Variants in SLC24A3 observed in about 807,000 individuals in gnomAD.
The protein encoded by SLC24A3 is solute carrier family 24 member 3, also known as sodium/potassium/calcium exchanger 3.
Under a neutral mutation model 75.8 loss-of-function variants are expected in SLC24A3, and 28 were observed. The observed-to-expected ratio is 0.37, with a 90% CI of 0.27 to 0.51. The LOEUF (loss-of-function observed/expected upper bound fraction) is 0.51, where lower values mean the gene tolerates loss of function less well. Among genes scored for constraint, SLC24A3 ranks in the 20% least tolerant of loss-of-function variants. The probability of loss-of-function intolerance (pLI) is 0.94; values close to 1 mark genes in which losing one functional copy is unlikely to be tolerated. For synonymous variants in SLC24A3, 372 were observed against 334.1 expected (o/e 1.11, Z -1.24); for missense variants, 663 against 847.8 (o/e 0.78, Z 2.71).
At chr20:19,647,259 C>T (rs1034529009) in intron 6 of SLC24A3, among the ~76,000 whole-genome samples, 5 of 152,186 alleles carry the variant, frequency 3.3e-5, no homozygotes, top group Admixed American at 1.3e-4. Flanking sequence ...CCACCGCCTG[C>T]CTCACTTCCC....
intron 9 of SLC24A3, among the ~76,000 whole-genome samples, chr20:19,676,561 G>C (rs865993688): frequency 8.5e-5 from 13 of 152,106 alleles, no homozygotes; most frequent in African/African-American, 3.1e-4. Flanking sequence ...AATAGCTTCA[G>C]GGTGCAAGCA....
At chr20:19,280,618 G>A (rs1460246227) in intron 1 of SLC24A3, among the ~76,000 whole-genome samples, 2 of 152,154 alleles carry the variant, frequency 1.3e-5, no homozygotes, top group East Asian at 1.9e-4. Context: ...CTCCCCCTTC[G>A]AGATTTGGTT....
chr20:19,431,271 A>C (rs568110340), intron 2 of SLC24A3, among the ~76,000 whole-genome samples: 175 of 152,030 alleles, frequency 1.2e-3, no homozygotes, highest in African/African-American at 4.0e-3. Context: ...TTATAAGAGA[A>C]ATGCCTATAA....
intron 2 of SLC24A3, among the ~76,000 whole-genome samples, chr20:19,451,070 A>G (rs79120903): frequency 0.044 from 6,682 of 152,312 alleles, 208 homozygotes; most frequent in Middle Eastern, 0.071. Context: ...TATGTGACCC[A>G]GGTGCTGAGT....
At chr20:19,402,058 G>T (rs981730565) in intron 2 of SLC24A3, among the ~76,000 whole-genome samples, 4 of 152,210 alleles carry the variant, frequency 2.6e-5, no homozygotes, top group Non-Finnish European at 5.9e-5. Flanking sequence ...AATAAGGCAG[G>T]GGCTACATGG....
intron 6 of SLC24A3, among the ~76,000 whole-genome samples, chr20:19,602,352 G>A (rs1266605013): frequency 1.3e-5 from 2 of 152,140 alleles, no homozygotes; most frequent in African/African-American, 4.8e-5. Context: ...TAGCTCATCA[G>A]TGTTGGTGTC....
intron 2 of SLC24A3, among the ~76,000 whole-genome samples, chr20:19,300,577 C>T (rs1343859292): frequency 6.6e-6 from 1 of 152,174 alleles, no homozygotes; most frequent in Non-Finnish European, 1.5e-5. Flanking sequence ...GTTATGCAGC[C>T]ACGGTGACTG....
intron 2 of SLC24A3, among the ~76,000 whole-genome samples, chr20:19,385,601 C>T (rs941401993): frequency 6.7e-6 from 1 of 149,556 alleles, no homozygotes; most frequent in African/African-American, 2.5e-5. Context: ...ATTGCTTTGG[C>T]TATTCAAAGT....
At chr20:19,572,797 T>A (rs1042387640) in intron 3 of SLC24A3, among the ~76,000 whole-genome samples, 1 of 152,150 alleles carries the variant, frequency 6.6e-6, no homozygotes. Flanking sequence ...ATATTCACAC[T>A]GGTAGCAGCA....
At chr20:19,432,157 G>A (rs1183004489) in intron 2 of SLC24A3, among the ~76,000 whole-genome samples, 1 of 151,992 alleles carries the variant, frequency 6.6e-6, no homozygotes, top group Admixed American at 6.6e-5. Flanking sequence ...TATGCAGCAT[G>A]TCAATGCAAA....
intron 2 of SLC24A3, among the ~76,000 whole-genome samples, chr20:19,305,604 T>G (rs1984305919): frequency 6.6e-6 from 1 of 151,910 alleles, no homozygotes; most frequent in African/African-American, 2.4e-5. Flanking sequence ...AACCCAGAAA[T>G]AAAGCCACAT....
intron 1 of SLC24A3, among the ~76,000 whole-genome samples, chr20:19,276,101 G>A (rs1351192142): frequency 1.3e-5 from 2 of 152,204 alleles, no homozygotes; most frequent in Admixed American, 6.5e-5. Context: ...GGGGAGAGCA[G>A]GGAGGATAGC....
intron 3 of SLC24A3, among the ~76,000 whole-genome samples, chr20:19,556,190 G>A (rs186038722): frequency 1.6e-4 from 24 of 152,124 alleles, no homozygotes; most frequent in Non-Finnish European, 2.1e-4. Context: ...TTGTTGATTA[G>A]GTTTCAACAT....
At chr20:19,505,884 G>T (rs927778294) in intron 2 of SLC24A3, among the ~76,000 whole-genome samples, 1 of 152,184 alleles carries the variant, frequency 6.6e-6, no homozygotes, top group African/African-American at 2.4e-5. Flanking sequence ...CCAGGACTGT[G>T]GGCCTGGTAT....
intron 2 of SLC24A3, among the ~76,000 whole-genome samples, chr20:19,464,371 A>G (rs1987729389): frequency 1.4e-5 from 2 of 146,172 alleles, no homozygotes; most frequent in African/African-American, 5.0e-5. Flanking sequence ...TACCACACAC[A>G]TACGTGCGCA....
intron 3 of SLC24A3, among the ~76,000 whole-genome samples, chr20:19,568,968 A>G (rs1376104573): frequency 1.3e-5 from 2 of 152,156 alleles, no homozygotes; most frequent in Non-Finnish European, 1.5e-5. Flanking sequence ...TTCCCCAACT[A>G]GGTTTGCTTT....
chr20:19,421,380 C>T (rs528514454), intron 2 of SLC24A3, among the ~76,000 whole-genome samples: 47 of 149,048 alleles, frequency 3.2e-4, no homozygotes, highest in East Asian at 2.2e-3. Flanking sequence ...AAAAAGTGGG[C>T]GAAGGACATG....
At chr20:19,602,244 T>A (rs1310626964) in intron 6 of SLC24A3, among the ~76,000 whole-genome samples, 1 of 152,234 alleles carries the variant, frequency 6.6e-6, no homozygotes, top group Non-Finnish European at 1.5e-5. Flanking sequence ...GGCACCGCAC[T>A]TTGTTGTTTA....
At chr20:19,377,312 G>A (rs1248350455) in intron 2 of SLC24A3, among the ~76,000 whole-genome samples, 2 of 152,180 alleles carry the variant, frequency 1.3e-5, no homozygotes, top group African/African-American at 4.8e-5. Context: ...CTGTCATGAA[G>A]ATGGAAGGAT....
Sources: gnomAD v4.1 joint callset for allele counts (sites outside exome capture counted in the v4.1 genomes callset) on GRCh38, gnomAD v4.1.1 for gene constraint, MANE v1.5 for transcripts, NCBI Gene and HGNC (gene_info 2026-07-23, HGNC 2026-07-21) for gene names.